The following SLC22A17 variants were observed in gnomAD, a reference collection of about 807,000 sequenced individuals.
The protein encoded by SLC22A17 is solute carrier family 22 member 17, also known as 24p3 receptor.
SLC22A17 carries 38 observed loss-of-function variants against 53.6 expected under a neutral mutation model. That is an observed-to-expected ratio of 0.71 (90% confidence interval 0.55 to 0.93). The LOEUF (loss-of-function observed/expected upper bound fraction) is 0.93. SLC22A17 is among the 40% of genes least tolerant of loss of function. The pLI is 0.00. For missense variants in SLC22A17, 704 were observed against 791.0 expected (o/e 0.89, Z 1.32); for synonymous variants, 379 against 353.0 (o/e 1.07, Z -0.82).
exon 10 of SLC22A17, chr14:23,346,909 A>T: frequency 6.5e-7 from 1 of 1,538,644 alleles, no homozygotes; most frequent in Non-Finnish European, 8.7e-7. Context: ...GCGCCCCTAG[A>T]GCCATGATCA....
chr14:23,346,968 C>T, intron 9 of SLC22A17, 32 bp from the exon 10 acceptor site: 1 of 1,507,586 alleles, frequency 6.6e-7, no homozygotes, highest in Non-Finnish European at 8.8e-7. Flanking sequence ...GCTCAGCCCA[C>T]AGCTGTAGCC....
rs778614659 is a variant in SLC22A17 at position 23,348,347 on chromosome 14, T to C, written c.1026-41A>G. 1 of 1,609,642 alleles carries C rather than the reference T, an allele frequency of 6.2e-7. No individual in the cohort carries two copies. Among genetic ancestry groups the C allele is most frequent in the Admixed American group, 1.7e-5 (1 of 59,838 alleles). ...AAGGGGTATACTGTGAGGCCTCCCT[T>C]CTCCTGATCTAGGGGTGGGAAATGT... is the stretch of plus-strand genomic sequence containing the variant. On this transcript the variant is annotated intron_variant, in intron 5 of 9. Transcript: ENST00000397267. The surrounding 1 kb of genome is among the most constrained non-coding windows in gnomAD (Gnocchi z 4.5).
chr14:23,349,988 T>C (rs1165626862), intron 3 of SLC22A17, among the ~76,000 whole-genome samples: 1 of 151,966 alleles, frequency 6.6e-6, no homozygotes, highest in Admixed American at 6.5e-5. Flanking sequence ...TCCATGGAGG[T>C]GGGACATTGG....
In SLC22A17 at chr14:23,348,631, G is replaced by T. The variant is rs773112086; in HGVS notation, c.900C>A (p.Ala300=). ...CCACCCCCACCAACTCCCCTGCCAGGGCCACCCGAAGCCTCTGGGTTGGGT... is the reference window on the plus strand; with the variant it reads ...CCACCCCCACCAACTCCCCTGCCAGTGCCACCCGAAGCCTCTGGGTTGGGT... The change falls in exon 5 of 10, where the codon GCC becomes GCA. Residue 300 remains alanine (A), a synonymous_variant. Coordinates refer to ENST00000397267, the Ensembl canonical transcript of SLC22A17. The surrounding 1 kb of genome is among the most constrained non-coding windows in gnomAD (Gnocchi z 4.5). 1 of 1,613,736 alleles carries T rather than the reference G, an allele frequency of 6.2e-7. No individual in the cohort carries two copies. Among genetic ancestry groups the T allele is most frequent in the East Asian group, 2.2e-5 (1 of 44,878 alleles).
At position 23,348,288 on chromosome 14, in the gene SLC22A17, C is replaced by T; in HGVS notation, c.1044G>A (p.Leu348=). The change falls in exon 6 of 10, where the codon CTG becomes CTA. Residue 348 remains leucine (L), a synonymous_variant. Coordinates refer to ENST00000397267, the Ensembl canonical transcript of SLC22A17. This position sits in a 1 kb window ranked among gnomAD's most constrained non-coding sequence, Gnocchi z 4.5. ...TCACTATCAGCCACCGTGCGGACTC[C>T]AGGAACAAACCAGGCCAGCTGGGGG... 6.2e-7 allele frequency: 1 copy of T among 1,614,100 alleles called. No individual in the cohort carries two copies. Among genetic ancestry groups the T allele is most frequent in the Non-Finnish European group, 8.5e-7 (1 of 1,179,990 alleles).
Position 23,348,514 on chromosome 14 carries a change from C to T in SLC22A17, c.1017G>A (p.Leu339=). 1 of 1,613,540 alleles carries T rather than the reference C, an allele frequency of 6.2e-7. No individual in the cohort carries two copies. The highest frequency in any genetic ancestry group is 8.5e-7 in the Non-Finnish European group (1 of 1,179,706). ...TGAAGGGTAATACTGACCCATAAAA[C>T]AGGAAGAGGATGCAGGGAGCGGTGA... The change falls in exon 5 of 10, where the codon CTG becomes CTA. Residue 339 remains leucine, a synonymous_variant. Transcript: ENST00000397267. This position sits in a 1 kb window ranked among gnomAD's most constrained non-coding sequence, Gnocchi z 4.5.
exon 10 of SLC22A17, chr14:23,346,776 T>C: frequency 9.7e-6 from 15 of 1,543,570 alleles, no homozygotes; most frequent in Non-Finnish European, 1.3e-5. Context: ...AGCTTGCGCT[T>C]GGTCTCCGGC....
chr14:23,350,577 A>T (rs570640869), intron 3 of SLC22A17, among the ~76,000 whole-genome samples: 19 of 152,182 alleles, frequency 1.2e-4, no homozygotes, highest in Non-Finnish European at 2.4e-4. Context: ...ATCTATGGAG[A>T]TGAAGATAGG....
rs772445917 is a variant in SLC22A17, at chr14:23,347,566, GAGA to G, written c.1440_1442del (p.Leu481del). 3 of 1,614,068 alleles carry G rather than the reference GAGA, an allele frequency of 1.9e-6. No individual in the cohort carries two copies. The highest frequency in any genetic ancestry group is 1.1e-5 in the South Asian group (1 of 91,080). On this transcript the variant is annotated inframe_deletion, in exon 8 of 10. Transcript: ENST00000397267. This position sits in a 1 kb window ranked among gnomAD's most constrained non-coding sequence, Gnocchi z 5.1. Reference sequence around the variant, plus strand: ...AAGCAATGCCGGTAAGGGTCATGGAGAGAAGAAGGATGCCCCGGCGGCCAAATC... The same window carrying G: ...AAGCAATGCCGGTAAGGGTCATGGAGAGAAGGATGCCCCGGCGGCCAAATC...
rs1251135910 is a variant in SLC22A17 at position 23,348,320 on chromosome 14, G to A, written c.1026-14C>T. On this transcript the variant is annotated splice_polypyrimidine_tract_variant and intron_variant, in intron 5 of 9. Coordinates refer to ENST00000397267, the Ensembl canonical transcript of SLC22A17. This position sits in a 1 kb window ranked among gnomAD's most constrained non-coding sequence, Gnocchi z 4.5. ...AAACCAGGCCAGCTGGGGGCAGGGGGGAAGGGGTATACTGTGAGGCCTCCC... is the reference window on the plus strand; with the variant it reads ...AAACCAGGCCAGCTGGGGGCAGGGGAGAAGGGGTATACTGTGAGGCCTCCC... 6.8e-6 allele frequency: 11 copies of A among 1,613,706 alleles called. No homozygotes were observed. The highest frequency in any genetic ancestry group is 9.3e-6 in the Non-Finnish European group (11 of 1,179,846).
intron 3 of SLC22A17, among the ~76,000 whole-genome samples, chr14:23,350,165 G>A (rs569359171): frequency 3.9e-4 from 60 of 152,220 alleles, no homozygotes; most frequent in African/African-American, 9.9e-4. Flanking sequence ...TTAGCCAGGT[G>A]TGGTGGCAGG....
rs1889423721 is a variant in SLC22A17 at position 23,348,819 on chromosome 14, T to C, written c.860-148A>G. ...AGCCATTGCCTCCCTTGCTAACCTC[T>C]GGGTGGCAAGGACTGGGGAGACTGT... On this transcript the variant is annotated intron_variant, in intron 4 of 9. Transcript: ENST00000397267. The surrounding 1 kb of genome is among the most constrained non-coding windows in gnomAD (Gnocchi z 4.5). 3 of 847,500 alleles carry C rather than the reference T, an allele frequency of 3.5e-6. No homozygotes were observed. The highest frequency in any genetic ancestry group is 1.8e-5 in the South Asian group (1 of 55,016). The allele number at this position is 847,500 out of a possible 1,614,324, so 52.5% of individuals were successfully genotyped here. A position where few individuals can be genotyped will look rare whatever the true frequency, so the allele number is the denominator to read the frequency against.
At chr14:23,351,593 G>A (rs771432552) in intron 3 of SLC22A17, 159 bp downstream of exon 3, 1 of 611,400 alleles carries the variant, frequency 1.6e-6, no homozygotes, top group African/African-American at 1.9e-5. Flanking sequence ...TCTTGATGGA[G>A]AGTGAAGTTG....
Position 23,348,229 on chromosome 14 carries a change from C to G in SLC22A17, c.1103G>C (p.Arg368Thr). 1.2e-6 allele frequency: 2 copies of G among 1,614,138 alleles called. No homozygotes were observed. Among genetic ancestry groups the G allele is most frequent in the Non-Finnish European group, 1.7e-6 (2 of 1,180,010 alleles). Residue 368 changes from arginine (R) to threonine (T), a missense_variant, in exon 6 of 10, where the codon AGG (arginine) becomes ACG (threonine). Around this residue, in one of 4 missense-constraint regions of SLC22A17, gnomAD observed 435 missense variants for 529.0 expected, o/e 0.82. Coordinates refer to ENST00000397267, the Ensembl canonical transcript of SLC22A17. The surrounding 1 kb of genome is among the most constrained non-coding windows in gnomAD (Gnocchi z 4.5). Reference sequence around the variant, plus strand: ...GGGCCGGTTTCGCTCAGCCAGGATCCTCAGCACAGACTGAGCCTCCTCAAT... The same window carrying G: ...GGGCCGGTTTCGCTCAGCCAGGATCGTCAGCACAGACTGAGCCTCCTCAAT...
chr14:23,350,239 G>T (rs1186662074), intron 3 of SLC22A17, among the ~76,000 whole-genome samples: 1 of 152,084 alleles, frequency 6.6e-6, no homozygotes, highest in Non-Finnish European at 1.5e-5. Flanking sequence ...GGGAGGCAGA[G>T]GTTGCAGTGA....
At position 23,347,442 on chromosome 14, in the gene SLC22A17, T is replaced by G; in HGVS notation, c.1549+18A>C. 5 of 1,610,114 alleles carry G rather than the reference T, an allele frequency of 3.1e-6. No individual in the cohort carries two copies. The South Asian group carries it at 4.4e-5, about 14-fold the overall frequency. ...GGAGGCCTGTGCCAGAAGAAATGGC[T>G]GTGCCTGTCTGAAGCACCTCTGTTG... On this transcript the variant is annotated intron_variant, in intron 8 of 9. Transcript: ENST00000397267. The surrounding 1 kb of genome is among the most constrained non-coding windows in gnomAD (Gnocchi z 5.1).
chr14:23,347,981 C>CAGGT lies in SLC22A17; in HGVS notation c.1183_1186dup (p.Cys396TyrfsTer106). On this transcript the variant is annotated frameshift_variant, in exon 7 of 10. Transcript: ENST00000397267. LOFTEE classifies it high-confidence loss of function. This position sits in a 1 kb window ranked among gnomAD's most constrained non-coding sequence, Gnocchi z 5.1. ...AAAGGAGGATGTTGCAGGGAGAGGG[C>CAGGT]AGGTATTCTCCAGGTCTTTGGGAGA... is the stretch of plus-strand genomic sequence containing the variant. 1 of 1,614,086 alleles carries CAGGT rather than the reference C, an allele frequency of 6.2e-7. No individual in the cohort carries two copies.
At position 23,348,247 on chromosome 14, in the gene SLC22A17, T is replaced by A. The variant is rs374222782; in HGVS notation, c.1085A>T (p.Glu362Val). The A allele has an allele frequency of 5.0e-6, 8 of 1,613,970 alleles. No individual in the cohort carries two copies. The highest frequency in any genetic ancestry group is 1.3e-5 in the African/African-American group (1 of 74,910). ...CAGGATCCTCAGCACAGACTGAGCC[T>A]CCTCAATCTGCCGCTTCACTATCAG... is the stretch of plus-strand genomic sequence containing the variant. Residue 362 changes from glutamate (E) to valine (V), a missense_variant, in exon 6 of 10, where the codon GAG becomes GTG. Physicochemically the swap from Glu to Val is moderately radical, Grantham distance 121. Around this residue, in one of 4 missense-constraint regions of SLC22A17, gnomAD observed 435 missense variants for 529.0 expected, o/e 0.82. Transcript: ENST00000397267. The surrounding 1 kb of genome is among the most constrained non-coding windows in gnomAD (Gnocchi z 4.5).
At chr14:23,349,484 G>C (rs1889488315) in intron 3 of SLC22A17, 58 bp from the exon 4 acceptor site, 2 of 1,560,950 alleles carry the variant, frequency 1.3e-6, no homozygotes, top group East Asian at 4.7e-5. Context: ...GAAAGTTGCT[G>C]GGTAAGACCC....
Sources: allele counts gnomAD v4.1 joint callset (sites outside exome capture counted in the v4.1 genomes callset), GRCh38; gene constraint gnomAD v4.1.1; regional missense constraint gnomAD v4.1.1; non-coding constraint Gnocchi (gnomAD v3.1); transcripts MANE v1.5; gene names NCBI Gene and HGNC (gene_info 2026-07-23, HGNC 2026-07-21).